SUCLA2: variants seen among roughly 807,000 people sequenced by gnomAD.
SUCLA2 encodes the protein succinate--CoA ligase [ADP-forming] subunit beta, mitochondrial.
In SUCLA2, 30 loss-of-function variants were observed where a neutral mutation model predicts 54.8. The ratio of observed to expected loss-of-function variants is 0.55; its 90% confidence interval spans 0.41 to 0.74. The LOEUF (loss-of-function observed/expected upper bound fraction) is 0.74. Among genes scored for constraint, SUCLA2 ranks in the 30% least tolerant of loss-of-function variants. SUCLA2 has a pLI of 0.00. For synonymous variants in SUCLA2, 172 were observed against 188.9 expected (o/e 0.91, Z 0.74); for missense variants, 476 against 562.9 (o/e 0.85, Z 1.56).
intron 6 of SUCLA2, among the ~76,000 whole-genome samples, chr13:47,966,096 T>C (rs1949916314): frequency 6.6e-6 from 1 of 152,152 alleles, no homozygotes; most frequent in African/African-American, 2.4e-5. Flanking sequence ...GAACAATGTC[T>C]CCAACTTACT....
chr13:47,962,212 T>C (rs1949876384), intron 6 of SUCLA2, among the ~76,000 whole-genome samples: 1 of 152,230 alleles, frequency 6.6e-6, no homozygotes, highest in East Asian at 1.9e-4. Flanking sequence ...TTAAGTGTAT[T>C]GAGTAGAGGA....
chr13:47,992,979 C>A (rs1042061645), intron 2 of SUCLA2, among the ~76,000 whole-genome samples: 7 of 152,194 alleles, frequency 4.6e-5, no homozygotes, highest in Non-Finnish European at 1.0e-4. Context: ...CCTGTAGTCC[C>A]AGCACTTTGG....
intron 5 of SUCLA2, chr13:47,971,667 G>A: frequency 2.7e-6 from 1 of 375,966 alleles, no homozygotes; most frequent in Non-Finnish European, 4.7e-6. Context: ...ATTGAAAGAA[G>A]GACCACAGCG....
chr13:47,943,478 A>C (rs201299574), intron 10 of SUCLA2, 33 bp from the exon 11 acceptor site: 68 of 1,608,094 alleles, frequency 4.2e-5, no homozygotes, highest in Admixed American at 6.7e-5. Context: ...TTTCACAAAA[A>C]GGTAAATTCA....
intron 8 of SUCLA2, among the ~76,000 whole-genome samples, chr13:47,953,040 A>G (rs1348437641): frequency 6.6e-6 from 1 of 152,114 alleles, no homozygotes; most frequent in Non-Finnish European, 1.5e-5. Context: ...CAATCACCCC[A>G]GTAAAACTAT....
chr13:47,955,990 C>T (rs939448940), intron 6 of SUCLA2, among the ~76,000 whole-genome samples: 1 of 152,186 alleles, frequency 6.6e-6, no homozygotes, highest in Non-Finnish European at 1.5e-5. Context: ...AGAATTCAGT[C>T]TTTACACCAT....
intron 8 of SUCLA2, among the ~76,000 whole-genome samples, chr13:47,950,994 T>C (rs1488981721): frequency 2.6e-5 from 4 of 152,164 alleles, no homozygotes; most frequent in Non-Finnish European, 4.4e-5. Context: ...CTAGAACTCA[T>C]AGCAGCCTTT....
chr13:47,984,752 G>A (rs1032824549), intron 4 of SUCLA2, among the ~76,000 whole-genome samples: 6 of 151,420 alleles, frequency 4.0e-5, no homozygotes, highest in African/African-American at 1.5e-4. Context: ...CTCCAGCCTG[G>A]GCGACAGAGC....
intron 4 of SUCLA2, among the ~76,000 whole-genome samples, chr13:47,984,258 A>G (rs1185540457): frequency 8.6e-5 from 13 of 151,532 alleles, no homozygotes; most frequent in Non-Finnish European, 2.9e-5. Context: ...CAGTGGTGCA[A>G]TCTCGGCTCA....
intron 4 of SUCLA2, among the ~76,000 whole-genome samples, chr13:47,973,999 G>T (rs1949988753): frequency 6.6e-6 from 1 of 151,856 alleles, no homozygotes; most frequent in South Asian, 2.1e-4. Flanking sequence ...ATGACAGGTT[G>T]ATGGGTGCAG....
In SUCLA2 at chr13:47,948,774, T is replaced by C. The variant is rs9562785; in HGVS notation, c.1317+166A>G. Reference sequence around the variant, plus strand: ...ATTGCAACAGTCCCTCTGAATAAAGTCTGCCTTAACATCTTTCAGCAAGAG... The same window carrying C: ...ATTGCAACAGTCCCTCTGAATAAAGCCTGCCTTAACATCTTTCAGCAAGAG... On this transcript the variant is annotated intron_variant, in intron 10 of 10. Coordinates refer to ENST00000646932, the MANE Select transcript of SUCLA2 (RefSeq NM_003850.3). Among the ~76,000 whole-genome samples the C allele has an allele frequency of 0.085, 12,882 of 152,274 alleles. 730 individuals are homozygous for C. Among genetic ancestry groups the C allele is most frequent in the South Asian group, 0.18 (872 of 4,828 alleles).
At chr13:47,949,202 A>T (rs1949757883) in intron 9 of SUCLA2, among the ~76,000 whole-genome samples, 174 bp from the exon 10 acceptor site, 1 of 152,232 alleles carries the variant, frequency 6.6e-6, no homozygotes, top group Non-Finnish European at 1.5e-5. Context: ...ATCTTATAAA[A>T]TATTTTGCCT....
At chr13:47,997,869 T>C (rs1294674809) in intron 1 of SUCLA2, among the ~76,000 whole-genome samples, 1 of 152,192 alleles carries the variant, frequency 6.6e-6, no homozygotes, top group Admixed American at 6.5e-5. Context: ...GTGCTTGTAA[T>C]CTGCAGATTC....
intron 6 of SUCLA2, among the ~76,000 whole-genome samples, chr13:47,962,962 G>C (rs914195730): frequency 6.6e-6 from 1 of 151,978 alleles, no homozygotes; most frequent in Non-Finnish European, 1.5e-5. Flanking sequence ...CTCTTACCAC[G>C]TATTCATCAT....
intron 4 of SUCLA2, 29 bp from the exon 5 acceptor site, chr13:47,973,421 C>G (rs1219677440): frequency 6.2e-7 from 1 of 1,610,522 alleles, no homozygotes; most frequent in South Asian, 1.1e-5. Context: ...AACCAAAACT[C>G]TAGATTTATT....
chr13:47,978,672 T>C (rs1217181923), intron 4 of SUCLA2, among the ~76,000 whole-genome samples: 1 of 151,944 alleles, frequency 6.6e-6, no homozygotes, highest in Non-Finnish European at 1.5e-5. Flanking sequence ...ACAAATGAGA[T>C]CTAATTAAAC....
rs1052765796 is a variant in SUCLA2 at position 47,954,392 on chromosome 13, G to A, written c.964+4C>T. ...TCCAATTCTAACATAAAAACACATG[G>A]TACCTAGGCAGCCTATATTTCCATC... is the stretch of plus-strand genomic sequence containing the variant. On this transcript the variant is annotated splice_donor_region_variant and intron_variant, in intron 7 of 10. Transcript: ENST00000646932. 1 of 1,613,888 alleles carries A rather than the reference G, an allele frequency of 6.2e-7. No homozygotes were observed. The highest frequency in any genetic ancestry group is 8.5e-7 in the Non-Finnish European group (1 of 1,179,880).
chr13:47,980,280 T>A (rs976198378), intron 4 of SUCLA2, among the ~76,000 whole-genome samples: 1 of 152,114 alleles, frequency 6.6e-6, no homozygotes, highest in Non-Finnish European at 1.5e-5. Flanking sequence ...CTGGGCGTGG[T>A]GGCGGGAGCC....
intron 5 of SUCLA2, among the ~76,000 whole-genome samples, chr13:47,969,476 G>A (rs1312189289): frequency 1.3e-5 from 2 of 152,132 alleles, no homozygotes; most frequent in African/African-American, 4.8e-5. Context: ...CCCAAATAGA[G>A]ATACCCACAG....
Sources: gnomAD v4.1 joint callset for allele counts (sites outside exome capture counted in the v4.1 genomes callset) on GRCh38, gnomAD v4.1.1 for gene constraint, MANE v1.5 for transcripts, NCBI Gene and HGNC (gene_info 2026-07-23, HGNC 2026-07-21) for gene names.